DIP2B: variants seen among roughly 807,000 people sequenced by gnomAD.
DIP2B encodes the protein DIP2 acetate--CoA ligase B (putative), also known as disco-interacting protein 2 homolog B.
In DIP2B, 76 loss-of-function variants were observed where a neutral mutation model predicts 198.0. That is an observed-to-expected ratio of 0.38 (90% CI 0.32 to 0.46). DIP2B has a LOEUF of 0.46. Among genes scored for constraint, DIP2B ranks in the 20% least tolerant of loss-of-function variants. The pLI is 0.99. For missense variants in DIP2B, 1,559 were observed against 1,978.4 expected (o/e 0.79, Z 4.02); for synonymous variants, 701 against 739.1 (o/e 0.95, Z 0.84).
In DIP2B at chr12:50,505,001, T is replaced by TGGCGGCGGCGGCTGCGGC; in HGVS notation, c.-128_-127insTGCGGCGGCGGCGGCGGC. On this transcript the variant is annotated 5_prime_UTR_variant, in exon 1 of 38. Coordinates refer to ENST00000301180, the MANE Select transcript of DIP2B (RefSeq NM_173602.3). ...GTCGCGCTCACGTGACCTTTGCTCA[T>TGGCGGCGGCGGCTGCGGC]GGCGGCGGCGGCGGCGGCGGCGGTG... is the stretch of plus-strand genomic sequence containing the variant. 1.5e-6 allele frequency: 1 copy of TGGCGGCGGCGGCTGCGGC among 650,322 alleles called. No homozygotes were observed. Among genetic ancestry groups the TGGCGGCGGCGGCTGCGGC allele is most frequent in the Non-Finnish European group, 2.6e-6 (1 of 384,764 alleles). The allele number at this position is 650,322 out of a possible 1,614,324, so 40.3% of individuals were successfully genotyped here.
At chr12:50,661,869 C>T (rs896523169) in intron 4 of DIP2B, among the ~76,000 whole-genome samples, 15 of 152,208 alleles carry the variant, frequency 9.9e-5, no homozygotes, top group Non-Finnish European at 1.8e-4. Context: ...AGTAAATAGG[C>T]TGCCCTTATG....
intron 1 of DIP2B, among the ~76,000 whole-genome samples, chr12:50,606,579 G>A (rs754001726): frequency 6.6e-6 from 1 of 152,162 alleles, no homozygotes; most frequent in Non-Finnish European, 1.5e-5. Flanking sequence ...CAAAGGAGGT[G>A]GTTTTTAGCT....
chr12:50,650,508 A>G (rs1938435296), intron 3 of DIP2B, among the ~76,000 whole-genome samples: 1 of 152,020 alleles, frequency 6.6e-6, no homozygotes, highest in Non-Finnish European at 1.5e-5. Flanking sequence ...CCACCATTCT[A>G]CTTCCTGCTT....
At chr12:50,699,978 A>T (rs150659836) in intron 19 of DIP2B, among the ~76,000 whole-genome samples, 1 of 152,178 alleles carries the variant, frequency 6.6e-6, no homozygotes, top group Admixed American at 6.5e-5. Context: ...ATTCAAATTT[A>T]ATTTCGAGAG....
chr12:50,690,451 T>G (rs1350862782), intron 12 of DIP2B, among the ~76,000 whole-genome samples: 1 of 152,196 alleles, frequency 6.6e-6, no homozygotes, highest in East Asian at 1.9e-4. Flanking sequence ...CTCAGGAGGC[T>G]GAGCTGGGAG....
At chr12:50,640,932 A>G in intron 3 of DIP2B, 80 bp downstream of exon 3, 2 of 1,497,984 alleles carry the variant, frequency 1.3e-6, no homozygotes, top group East Asian at 4.7e-5. Flanking sequence ...AGCTTCTAAT[A>G]CTTGTCTTTT....
intron 3 of DIP2B, among the ~76,000 whole-genome samples, chr12:50,655,846 A>C (rs892549577): frequency 6.6e-6 from 1 of 152,108 alleles, no homozygotes; most frequent in Non-Finnish European, 1.5e-5. Context: ...CTGGGTGTGC[A>C]CCTGTGGTCC....
At position 50,744,855 on chromosome 12, in the gene DIP2B, C is replaced by T. The variant is rs1212158100; in HGVS notation, c.*16C>T. The T allele has an allele frequency of 1.9e-6, 3 of 1,611,464 alleles. No homozygotes were observed. The highest frequency in any genetic ancestry group is 2.5e-6 in the Non-Finnish European group (3 of 1,177,852). On this transcript the variant is annotated 3_prime_UTR_variant, in exon 38 of 38. Transcript: ENST00000301180. ...TAACATGTAACCAGCCTTGTGGGGACTGCAGTGGGCCATTCTGAAGAATCA... is the reference window on the plus strand; with the variant it reads ...TAACATGTAACCAGCCTTGTGGGGATTGCAGTGGGCCATTCTGAAGAATCA...
At chr12:50,533,369 A>G (rs960482784) in intron 1 of DIP2B, among the ~76,000 whole-genome samples, 1 of 152,198 alleles carries the variant, frequency 6.6e-6, no homozygotes, top group Non-Finnish European at 1.5e-5. Context: ...TTTTGCTGTC[A>G]GCCTTATCAG....
chr12:50,661,131 A>AT (rs901207391), intron 4 of DIP2B, among the ~76,000 whole-genome samples: 2 of 151,994 alleles, frequency 1.3e-5, no homozygotes, highest in East Asian at 1.9e-4. Context: ...CTCGAAAAAA[A>AT]TTTTTTTTAG....
chr12:50,646,417 TG>T (rs1938352525), intron 3 of DIP2B, among the ~76,000 whole-genome samples: 3 of 149,920 alleles, frequency 2.0e-5, no homozygotes, highest in African/African-American at 7.4e-5. Flanking sequence ...CACTGCGCTT[TG>T]TCTATTATTA....
intron 1 of DIP2B, among the ~76,000 whole-genome samples, chr12:50,507,273 G>A (rs1343926602): frequency 6.6e-6 from 1 of 152,222 alleles, no homozygotes; most frequent in Non-Finnish European, 1.5e-5. Context: ...AGCAATGGAT[G>A]ACTGGAAAAA....
At chr12:50,742,583 A>G (rs1257804694) in intron 37 of DIP2B, among the ~76,000 whole-genome samples, 3 of 151,864 alleles carry the variant, frequency 2.0e-5, no homozygotes, top group African/African-American at 7.3e-5. Context: ...CATGCTTTCC[A>G]GATACTTCTT....
intron 11 of DIP2B, among the ~76,000 whole-genome samples, chr12:50,686,173 C>T (rs968583403): frequency 2.0e-5 from 3 of 152,146 alleles, no homozygotes; most frequent in African/African-American, 4.8e-5. Context: ...TAATAAATGG[C>T]AGAGCAGCAA....
chr12:50,719,325 A>G (rs1206134344), intron 25 of DIP2B, among the ~76,000 whole-genome samples: 1 of 152,180 alleles, frequency 6.6e-6, no homozygotes, highest in Admixed American at 6.5e-5. Context: ...ATAGATACAC[A>G]GATGTTCACA....
intron 3 of DIP2B, among the ~76,000 whole-genome samples, chr12:50,653,651 T>C (rs1327283456): frequency 6.6e-6 from 1 of 151,988 alleles, no homozygotes; most frequent in Non-Finnish European, 1.5e-5. Context: ...CCATAGTCTC[T>C]TATAATTCCT....
intron 2 of DIP2B, among the ~76,000 whole-genome samples, chr12:50,628,247 T>C (rs1937975065): frequency 6.6e-6 from 1 of 152,136 alleles, no homozygotes; most frequent in South Asian, 2.1e-4. Flanking sequence ...GCTGCACACC[T>C]GTAATGCCAG....
intron 3 of DIP2B, among the ~76,000 whole-genome samples, chr12:50,646,944 A>G (rs371783983): frequency 1.3e-5 from 2 of 151,882 alleles, no homozygotes; most frequent in South Asian, 2.1e-4. Context: ...CAGTTCAGCA[A>G]GCATTTATTG....
At chr12:50,693,447 A>T (rs1448520650) in intron 14 of DIP2B, among the ~76,000 whole-genome samples, 1 of 152,190 alleles carries the variant, frequency 6.6e-6, no homozygotes, top group African/African-American at 2.4e-5. Context: ...CAAAACTACT[A>T]TATGTAACAT....
Sources: gnomAD v4.1 joint callset for allele counts (sites outside exome capture counted in the v4.1 genomes callset) on GRCh38, gnomAD v4.1.1 for gene constraint, MANE v1.5 for transcripts, NCBI Gene and HGNC (gene_info 2026-07-23, HGNC 2026-07-21) for gene names.